DCLK1: variants seen among roughly 807,000 people sequenced by gnomAD.
DCLK1 encodes serine/threonine-protein kinase DCLK1.
A neutral mutation model predicts 86.2 loss-of-function variants in DCLK1; 16 were observed. That is an observed-to-expected ratio of 0.19 (90% CI 0.13 to 0.28). The LOEUF is 0.28. DCLK1 is among the 10% of genes least tolerant of loss of function. The pLI is 1.00. For missense variants in DCLK1, 590 were observed against 940.2 expected, an observed-to-expected ratio of 0.63 and a Z score of 4.87; for synonymous variants, 369 against 370.5, an observed-to-expected ratio of 1.00 and a Z score of 0.05.
At chr13:35,909,964 GC>G (rs1874917563) in intron 4 of DCLK1, among the ~76,000 whole-genome samples, 1 of 151,966 alleles carries the variant, frequency 6.6e-6, no homozygotes, top group African/African-American at 2.4e-5. Flanking sequence ...CTCTGTTCTC[GC>G]CCTGCCTCAC....
chr13:35,890,707 C>G (rs149644314), intron 4 of DCLK1, among the ~76,000 whole-genome samples: 4 of 152,182 alleles, frequency 2.6e-5, no homozygotes, highest in African/African-American at 7.2e-5. Context: ...AGCTTCTCCA[C>G]GCTTTGACAA....
At chr13:35,906,224 CTCAAGAACAGAA>C (rs1874681115) in intron 4 of DCLK1, among the ~76,000 whole-genome samples, 1 of 152,000 alleles carries the variant, frequency 6.6e-6, no homozygotes, top group African/African-American at 2.4e-5. Flanking sequence ...ATGGGAGACT[CTCAAGAACAGAA>C]AAAAGTTTTA....
chr13:35,855,724 G>A, intron 5 of DCLK1: 1 of 1,378,364 alleles, frequency 7.3e-7, no homozygotes, highest in South Asian at 1.8e-5. Flanking sequence ...CCAAGCAGCA[G>A]TGGGAGGTGC....
chr13:36,045,344 A>G (rs12860565), intron 3 of DCLK1, among the ~76,000 whole-genome samples: 105 of 96,448 alleles, frequency 1.1e-3, no homozygotes, highest in African/African-American at 4.3e-3. Flanking sequence ...ATATATATAT[A>G]TATATATATA....
At chr13:35,842,482 G>A (rs1298145134) in intron 6 of DCLK1, among the ~76,000 whole-genome samples, 2 of 151,294 alleles carry the variant, frequency 1.3e-5, no homozygotes, top group East Asian at 1.9e-4. Context: ...ACCACCCTGG[G>A]CAACATAGTG....
rs1415340644 is a variant in DCLK1, at chr13:35,953,502, C to T, written c.724-6045G>A. On this transcript the variant is annotated intron_variant, in intron 3 of 16. Transcript: ENST00000360631. ...TCCTTTGGCTCAAGGAAGACATATT[C>T]CTTTTTCTGACTCTCTTTATGTGAA... 3.9e-5 allele frequency among the ~76,000 whole-genome samples: 6 copies of T among 152,102 alleles called. No homozygotes were observed. The South Asian group carries it at 1.2e-3, about 32-fold the overall frequency.
At chr13:35,878,731 G>C (rs1323338971) in intron 4 of DCLK1, among the ~76,000 whole-genome samples, 1 of 152,048 alleles carries the variant, frequency 6.6e-6, no homozygotes, top group Non-Finnish European at 1.5e-5. Context: ...TTATATGCCT[G>C]TATCAAAATA....
chr13:36,043,765 T>C (rs1882777473), intron 3 of DCLK1, among the ~76,000 whole-genome samples: 1 of 152,192 alleles, frequency 6.6e-6, no homozygotes, highest in Admixed American at 6.5e-5. Flanking sequence ...AGTTCTTAAA[T>C]TGTATAAAAC....
chr13:35,836,289 C>A (rs1470591512), intron 7 of DCLK1, 148 bp from the exon 8 acceptor site: 1 of 655,056 alleles, frequency 1.5e-6, no homozygotes, highest in Non-Finnish European at 2.6e-6. Flanking sequence ...GCCTCCCCAC[C>A]CTTGCTGACA....
intron 6 of DCLK1, among the ~76,000 whole-genome samples, chr13:35,845,299 T>C (rs1269056664): frequency 1.3e-5 from 2 of 152,234 alleles, no homozygotes; most frequent in Non-Finnish European, 2.9e-5. Flanking sequence ...TTTCCTATCC[T>C]CTTTAACATC....
At chr13:35,837,604 C>T (rs1409226469) in intron 7 of DCLK1, among the ~76,000 whole-genome samples, 1 of 152,148 alleles carries the variant, frequency 6.6e-6, no homozygotes, top group Admixed American at 6.5e-5. Context: ...AGGAACCCTC[C>T]TTGGCTGTTG....
intron 4 of DCLK1, among the ~76,000 whole-genome samples, chr13:35,928,314 C>A (rs1019565651): frequency 1.3e-5 from 2 of 152,128 alleles, no homozygotes; most frequent in Non-Finnish European, 2.9e-5. Flanking sequence ...GCCTGCCTGC[C>A]ACTACTGAGC....
intron 2 of DCLK1, among the ~76,000 whole-genome samples, chr13:36,114,961 C>T (rs528027270): frequency 6.6e-6 from 1 of 152,220 alleles, no homozygotes; most frequent in East Asian, 1.9e-4. Flanking sequence ...TTTTAGAGTG[C>T]ATTCAAGTAT....
At chr13:36,088,664 T>C (rs1328256930) in intron 3 of DCLK1, among the ~76,000 whole-genome samples, 1 of 152,182 alleles carries the variant, frequency 6.6e-6, no homozygotes, top group East Asian at 1.9e-4. Flanking sequence ...TGCCAGCCAG[T>C]GGGTCTGCGA....
intron 4 of DCLK1, among the ~76,000 whole-genome samples, chr13:35,900,384 G>A (rs1874279912): frequency 6.6e-6 from 1 of 152,028 alleles, no homozygotes; most frequent in Admixed American, 6.5e-5. Context: ...GGGATTACAG[G>A]CGTGCACCAC....
chr13:35,846,108 T>TA, intron 6 of DCLK1: 1 of 985,438 alleles, frequency 1.0e-6, no homozygotes, highest in Non-Finnish European at 1.2e-6. Flanking sequence ...CTGATGGACT[T>TA]AGTTGATGGA....
At chr13:36,055,352 AGTTC>A (rs1883264315) in intron 3 of DCLK1, among the ~76,000 whole-genome samples, 2 of 152,164 alleles carry the variant, frequency 1.3e-5, no homozygotes, top group Admixed American at 6.5e-5. Context: ...TATAAACTCT[AGTTC>A]TACCCCAGCC....
intron 3 of DCLK1, among the ~76,000 whole-genome samples, chr13:35,987,247 C>A (rs577142036): frequency 1.4e-3 from 215 of 152,176 alleles, no homozygotes; most frequent in Admixed American, 2.6e-3. Context: ...CATGGTGAAA[C>A]CCTGTCTCTA....
intron 6 of DCLK1, among the ~76,000 whole-genome samples, chr13:35,840,132 G>C (rs1869688732): frequency 2.0e-5 from 3 of 152,182 alleles, no homozygotes; most frequent in Admixed American, 1.3e-4. Flanking sequence ...AGAAGGGAAA[G>C]AGCATCTGTA....
Sources: gnomAD v4.1 joint callset for allele counts (sites outside exome capture counted in the v4.1 genomes callset) on GRCh38, gnomAD v4.1.1 for gene constraint, MANE v1.5 for transcripts, NCBI Gene and HGNC (gene_info 2026-07-23, HGNC 2026-07-21) for gene names.